APLF: variants seen among roughly 807,000 people sequenced by gnomAD.
APLF encodes the protein aprataxin and PNKP like factor, also known as aprataxin and PNK-like factor.
A neutral mutation model predicts 55.6 loss-of-function variants in APLF; 61 were observed. That is an observed-to-expected ratio of 1.10 (90% confidence interval 0.89 to 1.36). APLF has a LOEUF of 1.36. Ranked by LOEUF, APLF falls within the 40% of genes most tolerant of loss-of-function variation. The pLI, the probability that APLF is intolerant of heterozygous loss-of-function variation, is 0.00. For missense variants in APLF, 611 were observed against 602.5 expected, an observed-to-expected ratio of 1.01 and a Z score of -0.15; for synonymous variants, 207 against 214.8, an observed-to-expected ratio of 0.96 and a Z score of 0.32.
At chr2:68,571,776 G>C (rs1671474046) in intron 9 of APLF, among the ~76,000 whole-genome samples, 1 of 152,142 alleles carries the variant, frequency 6.6e-6, no homozygotes, top group South Asian at 2.1e-4. Flanking sequence ...GGCAATGCAG[G>C]CTCTTTTTTG....
intron 3 of APLF, among the ~76,000 whole-genome samples, chr2:68,512,661 A>G (rs115958651): frequency 0.011 from 1,706 of 151,902 alleles, 36 homozygotes; most frequent in African/African-American, 0.039. Context: ...AGTAGCAGTT[A>G]TGTGTCAACT....
intron 6 of APLF, among the ~76,000 whole-genome samples, chr2:68,537,107 G>A (rs1210045892): frequency 2.0e-5 from 3 of 151,414 alleles, no homozygotes. Flanking sequence ...GGAGGTTGCA[G>A]TGAGCAGATA....
At chr2:68,503,293 T>C (rs1447987311) in intron 3 of APLF, among the ~76,000 whole-genome samples, 1 of 152,152 alleles carries the variant, frequency 6.6e-6, no homozygotes, top group Non-Finnish European at 1.5e-5. Flanking sequence ...TGACTTACAC[T>C]TGTCTAACTC....
rs900306997 is a variant in APLF, at chr2:68,538,230, A to T, written c.1160+3A>T. On this transcript the variant is annotated splice_donor_region_variant and intron_variant, in intron 7 of 9. Coordinates refer to ENST00000303795, the MANE Select transcript of APLF (RefSeq NM_173545.3). ...ATGTATGGGGCAAACTGCTATAGGT[A>T]AAATGAAATTACAGTAACATTTAAT... 2.5e-6 allele frequency: 4 copies of T among 1,583,262 alleles called. No individual in the cohort carries two copies. Among genetic ancestry groups the T allele is most frequent in the Non-Finnish European group, 3.4e-6 (4 of 1,165,672 alleles).
chr2:68,513,016 G>C, intron 3 of APLF, 64 bp from the exon 4 acceptor site: 2 of 1,455,622 alleles, frequency 1.4e-6, no homozygotes, highest in East Asian at 2.3e-5. Context: ...CTTAGATGTA[G>C]TTCTAAGGCA....
chr2:68,477,732 G>C (rs1240906959), intron 1 of APLF, among the ~76,000 whole-genome samples: 1 of 152,178 alleles, frequency 6.6e-6, no homozygotes, highest in Non-Finnish European at 1.5e-5. Flanking sequence ...GTTCCACATG[G>C]CTGGGGAGGC....
chr2:68,473,074 A>C (rs1251595341), intron 1 of APLF, among the ~76,000 whole-genome samples: 1 of 152,186 alleles, frequency 6.6e-6, no homozygotes, highest in Non-Finnish European at 1.5e-5. Flanking sequence ...GGTATTGTAC[A>C]TCTTATGGGT....
chr2:68,496,952 A>G (rs1211699450), intron 2 of APLF, among the ~76,000 whole-genome samples: 2 of 152,166 alleles, frequency 1.3e-5, no homozygotes. Context: ...AAACTTTTCT[A>G]ACTGCTGCCT....
Position 68,467,604 on chromosome 2 carries a change from C to T in APLF, c.-128C>T, listed in dbSNP as rs1445023935. ...GGCTCTGAGAGGACCGGCGCAGCCG[C>T]GGGGAGCCTTTGAGGCCCTCCCTCG... On this transcript the variant is annotated 5_prime_UTR_variant, in exon 1 of 10. Coordinates refer to ENST00000303795, the MANE Select transcript of APLF (RefSeq NM_173545.3). 2 of 718,486 alleles carry T rather than the reference C, an allele frequency of 2.8e-6. No homozygotes were observed. The highest frequency in any genetic ancestry group is 3.9e-6 in the Non-Finnish European group (2 of 517,944). The allele number at this position is 718,486 out of a possible 1,614,324, so 44.5% of individuals were successfully genotyped here.
At chr2:68,490,906 C>T (rs982740124) in intron 2 of APLF, among the ~76,000 whole-genome samples, 10 of 151,994 alleles carry the variant, frequency 6.6e-5, no homozygotes, top group African/African-American at 1.9e-4. Context: ...TAGACTAGAT[C>T]GTATGGTGGT....
At chr2:68,518,161 T>C (rs1669700582) in intron 5 of APLF, among the ~76,000 whole-genome samples, 1 of 123,518 alleles carries the variant, frequency 8.1e-6, no homozygotes, top group Non-Finnish European at 1.6e-5. Flanking sequence ...TATTAATGTA[T>C]AATAGTAATA....
chr2:68,493,935 C>T lies in APLF; in HGVS notation c.168+3674C>T, dbSNP rs376957305. 2.0e-3 allele frequency among the ~76,000 whole-genome samples: 303 copies of T among 152,044 alleles called. 1 individual carries two copies. Among genetic ancestry groups the T allele is most frequent in the African/African-American group, 6.8e-3 (282 of 41,462 alleles). ...CATCCTGGCTAACATGGTGAAACCCCGTCTCTACTAAAAATACAAGAAATT... is the reference window on the plus strand; with the variant it reads ...CATCCTGGCTAACATGGTGAAACCCTGTCTCTACTAAAAATACAAGAAATT... On this transcript the variant is annotated intron_variant, in intron 2 of 9. Coordinates refer to ENST00000303795, the MANE Select transcript of APLF (RefSeq NM_173545.3).
chr2:68,499,513 C>T (rs1036959215), intron 2 of APLF, among the ~76,000 whole-genome samples: 1 of 152,162 alleles, frequency 6.6e-6, no homozygotes, highest in African/African-American at 2.4e-5. Flanking sequence ...TGAAATATTA[C>T]AGGTCCAATT....
chr2:68,577,857 G>A lies in APLF; in HGVS notation c.1371G>A (p.Gly457=), dbSNP rs2104091104. The change falls in exon 10 of 10, where the codon GGG becomes GGA. Residue 457 remains glycine, a synonymous_variant. Coordinates refer to ENST00000303795, the MANE Select transcript of APLF (RefSeq NM_173545.3). ...TAGATGAAGATAATGATAATGTTGG[G>A]CAACCCAATGAGTATGACCTGAACG... The part of the protein sequence containing the change: ...NVLDEDNDNV[G]QPNEYDLNDS... The A allele has an allele frequency of 1.2e-6, 2 of 1,613,402 alleles. No individual in the cohort carries two copies. Among genetic ancestry groups the A allele is most frequent in the East Asian group, 2.2e-5 (1 of 44,822 alleles).
At chr2:68,490,311 A>G (rs748014623) in intron 2 of APLF, 50 bp downstream of exon 2, 3 of 1,520,646 alleles carry the variant, frequency 2.0e-6, no homozygotes, top group South Asian at 1.2e-5. Flanking sequence ...TTACCCTTTC[A>G]GTTCCCAAGC....
Position 68,567,328 on chromosome 2 carries a change from ATTC to A in APLF, c.1287-7_1287-5del, listed in dbSNP as rs780001922. 6.2e-7 allele frequency: 1 copy of A among 1,603,324 alleles called. No individual in the cohort carries two copies. Among genetic ancestry groups the A allele is most frequent in the South Asian group, 1.1e-5 (1 of 89,714 alleles). On this transcript the variant is annotated splice_polypyrimidine_tract_variant and intron_variant, in intron 8 of 9. Transcript: ENST00000303795. ...TTGGAAGACTAGCTCTTATTTTTGC[ATTC>A]TTCTTTCAGGAAGAATCCCCAGCAC...
intron 7 of APLF, among the ~76,000 whole-genome samples, chr2:68,540,058 A>G (rs1573239021): frequency 6.6e-6 from 1 of 152,206 alleles, no homozygotes; most frequent in East Asian, 1.9e-4. Context: ...CAGGTTTGTT[A>G]TATAGGTATA....
intron 6 of APLF, among the ~76,000 whole-genome samples, chr2:68,534,685 C>T (rs1670341292): frequency 6.6e-6 from 1 of 152,156 alleles, no homozygotes; most frequent in African/African-American, 2.4e-5. Context: ...TATCATGAGT[C>T]GCCAGCCTTC....
At chr2:68,487,773 C>T (rs1676230768) in intron 1 of APLF, among the ~76,000 whole-genome samples, 1 of 151,992 alleles carries the variant, frequency 6.6e-6, no homozygotes, top group African/African-American at 2.4e-5. Flanking sequence ...TTTATGCTTC[C>T]CATTGAGAAA....
Sources: allele counts gnomAD v4.1 joint callset (sites outside exome capture counted in the v4.1 genomes callset), GRCh38; gene constraint gnomAD v4.1.1; transcripts MANE v1.5; gene names NCBI Gene and HGNC (gene_info 2026-07-23, HGNC 2026-07-21).